Variants in DACH1 observed in about 807,000 individuals in gnomAD.
DACH1 encodes dachshund family transcription factor 1, also known as dachshund homolog 1.
A neutral mutation model predicts 54.2 loss-of-function variants in DACH1; 12 were observed. The observed-to-expected ratio is 0.22, with a 90% confidence interval of 0.14 to 0.36. DACH1 has a LOEUF of 0.36. Among genes scored for constraint, DACH1 ranks in the 10% least tolerant of loss-of-function variants. The pLI is 1.00. For missense variants in DACH1, 805 were observed against 929.8 expected, an observed-to-expected ratio of 0.87 and a Z score of 1.75; for synonymous variants, 386 against 366.2, an observed-to-expected ratio of 1.05 and a Z score of -0.62.
At chr13:71,861,734 T>C (rs1364675255) in intron 1 of DACH1, among the ~76,000 whole-genome samples, 7 of 151,878 alleles carry the variant, frequency 4.6e-5, no homozygotes, top group African/African-American at 9.7e-5. Context: ...TTTGAAGCAA[T>C]TCTTTAATTT....
At chr13:71,479,536 A>G (rs996136591) in intron 7 of DACH1, among the ~76,000 whole-genome samples, 1 of 152,200 alleles carries the variant, frequency 6.6e-6, no homozygotes, top group Non-Finnish European at 1.5e-5. Flanking sequence ...ATGCAGGTTT[A>G]ATTGCTTCTA....
At position 71,664,427 on chromosome 13, in the gene DACH1, C is replaced by A. The variant is rs189222059; in HGVS notation, c.964+17368G>T. ...ATACATGTAGAATTTGAGATGCTTA[C>A]TAGCCATAAATGGTTGAAACAATCT... On this transcript the variant is annotated intron_variant, in intron 2 of 10. Coordinates refer to ENST00000613252, the MANE Select transcript of DACH1 (RefSeq NM_080759.6). Among the ~76,000 whole-genome samples, 741 of 152,072 alleles carry A rather than the reference C, an allele frequency of 4.9e-3. 5 individuals are homozygous for A. Among genetic ancestry groups the A allele is most frequent in the African/African-American group, 0.017 (697 of 41,544 alleles).
intron 10 of DACH1, among the ~76,000 whole-genome samples, chr13:71,470,729 C>G (rs1474463252): frequency 1.3e-5 from 2 of 152,134 alleles, no homozygotes; most frequent in Non-Finnish European, 2.9e-5. Flanking sequence ...TCCACAAGAT[C>G]TAACATAGGT....
At chr13:71,469,413 T>G (rs1297386520) in intron 10 of DACH1, among the ~76,000 whole-genome samples, 2 of 151,502 alleles carry the variant, frequency 1.3e-5, no homozygotes, top group Non-Finnish European at 2.9e-5. Context: ...ACATGAAATA[T>G]GATTCTTTGG....
intron 3 of DACH1, among the ~76,000 whole-genome samples, chr13:71,598,385 G>T (rs146479138): frequency 0.038 from 5,845 of 152,108 alleles, 154 homozygotes; most frequent in East Asian, 0.12. Flanking sequence ...CTCCTGAGTA[G>T]CTGGGATTAC....
At chr13:71,731,027 A>C (rs1455378401) in intron 1 of DACH1, among the ~76,000 whole-genome samples, 1 of 152,068 alleles carries the variant, frequency 6.6e-6, no homozygotes, top group African/African-American at 2.4e-5. Context: ...TTACCTACTT[A>C]ATTGTAGTTT....
intron 2 of DACH1, among the ~76,000 whole-genome samples, chr13:71,647,984 C>T (rs1241930522): frequency 6.6e-6 from 1 of 152,104 alleles, no homozygotes; most frequent in Non-Finnish European, 1.5e-5. Flanking sequence ...GGTCCTTGTA[C>T]AGAAAAGTTT....
intron 5 of DACH1, among the ~76,000 whole-genome samples, chr13:71,559,079 A>C (rs1380446998): frequency 6.6e-6 from 1 of 152,118 alleles, no homozygotes. Context: ...ATAGTCATTT[A>C]TCAAAAGAAC....
intron 2 of DACH1, among the ~76,000 whole-genome samples, chr13:71,670,959 G>A (rs1370109629): frequency 6.6e-6 from 1 of 151,934 alleles, no homozygotes; most frequent in Non-Finnish European, 1.5e-5. Context: ...TATGAATTTT[G>A]GCGATTGGCT....
chr13:71,567,952 A>G (rs1270003386), intron 4 of DACH1, among the ~76,000 whole-genome samples: 1 of 152,068 alleles, frequency 6.6e-6, no homozygotes, highest in Non-Finnish European at 1.5e-5. Flanking sequence ...ATGATACCTA[A>G]GAGAATCAAT....
chr13:71,817,158 G>A (rs1887992921), intron 1 of DACH1, among the ~76,000 whole-genome samples: 1 of 152,148 alleles, frequency 6.6e-6, no homozygotes, highest in African/African-American at 2.4e-5. Flanking sequence ...ATATAAAGGA[G>A]AAAGGAAATA....
At chr13:71,605,826 T>A (rs905297133) in intron 3 of DACH1, among the ~76,000 whole-genome samples, 1 of 151,972 alleles carries the variant, frequency 6.6e-6, no homozygotes, top group Non-Finnish European at 1.5e-5. Flanking sequence ...TCTCCCAGAT[T>A]CTCACCCCGT....
chr13:71,460,515 G>A (rs1041143483), intron 10 of DACH1, among the ~76,000 whole-genome samples: 1 of 151,870 alleles, frequency 6.6e-6, no homozygotes, highest in African/African-American at 2.4e-5. Flanking sequence ...CATGTTTTCT[G>A]GGTGGATGAT....
intron 3 of DACH1, among the ~76,000 whole-genome samples, chr13:71,610,036 G>C (rs756886698): frequency 6.6e-6 from 1 of 151,960 alleles, no homozygotes; most frequent in Non-Finnish European, 1.5e-5. Context: ...TCTAAAGTAT[G>C]GCCAGTTCAT....
chr13:71,507,179 C>T (rs895307111), intron 6 of DACH1, among the ~76,000 whole-genome samples: 70 of 152,228 alleles, frequency 4.6e-4, no homozygotes, highest in African/African-American at 1.6e-3. Flanking sequence ...TATACATCCC[C>T]GATCTATCCA....
At chr13:71,693,315 T>G (rs76919015) in intron 1 of DACH1, among the ~76,000 whole-genome samples, 1 of 142,362 alleles carries the variant, frequency 7.0e-6, no homozygotes, top group Non-Finnish European at 1.5e-5. Flanking sequence ...TTTTTTTTTT[T>G]TTTTGAGACA....
At chr13:71,693,148 G>T (rs148144202) in intron 1 of DACH1, among the ~76,000 whole-genome samples, 10 of 152,040 alleles carry the variant, frequency 6.6e-5, no homozygotes, top group Non-Finnish European at 1.2e-4. Context: ...AAACTACAGC[G>T]AGTGTGCATA....
At chr13:71,741,120 T>A (rs1363819091) in intron 1 of DACH1, among the ~76,000 whole-genome samples, 1 of 152,214 alleles carries the variant, frequency 6.6e-6, no homozygotes, top group Non-Finnish European at 1.5e-5. Flanking sequence ...TGTTTTTATC[T>A]TTCCATTTTC....
At chr13:71,600,929 G>GT (rs1874446588) in intron 3 of DACH1, among the ~76,000 whole-genome samples, 1 of 151,374 alleles carries the variant, frequency 6.6e-6, no homozygotes, top group Admixed American at 6.6e-5. Context: ...TTGGTTCGGT[G>GT]TAACTCCAGT....
Sources: gnomAD v4.1 joint callset for allele counts (sites outside exome capture counted in the v4.1 genomes callset) on GRCh38, gnomAD v4.1.1 for gene constraint, MANE v1.5 for transcripts, NCBI Gene and HGNC (gene_info 2026-07-23, HGNC 2026-07-21) for gene names.